SLC30A8: variants seen among roughly 807,000 people sequenced by gnomAD.
The protein encoded by SLC30A8 is proton-coupled zinc antiporter SLC30A8.
SLC30A8 carries 27 observed loss-of-function variants against 36.9 expected under a neutral mutation model. The observed-to-expected ratio is 0.73, with a 90% CI of 0.54 to 1.01. The LOEUF is 1.01. Among genes scored for constraint, SLC30A8 ranks in the 50% least tolerant of loss-of-function variants. The probability of loss-of-function intolerance (pLI) is 0.00; values close to 1 mark genes in which losing one functional copy is unlikely to be tolerated. For missense variants in SLC30A8, 439 were observed against 452.0 expected (o/e 0.97, Z 0.26); for synonymous variants, 164 against 172.4 (o/e 0.95, Z 0.38).
intron 1 of SLC30A8, among the ~76,000 whole-genome samples, chr8:116,968,612 A>C (rs919528562): frequency 2.0e-5 from 3 of 151,536 alleles, no homozygotes; most frequent in Admixed American, 1.3e-4. Context: ...GAAGTATAGA[A>C]GTGCCACCAA....
At chr8:117,022,938 C>A (rs906285029) in intron 1 of SLC30A8, among the ~76,000 whole-genome samples, 1 of 152,044 alleles carries the variant, frequency 6.6e-6, no homozygotes, top group African/African-American at 2.4e-5. Flanking sequence ...GATGAATAGG[C>A]AACCTATAGA....
At chr8:117,005,047 A>C (rs1816131236) in intron 1 of SLC30A8, among the ~76,000 whole-genome samples, 1 of 152,286 alleles carries the variant, frequency 6.6e-6, no homozygotes, top group East Asian at 1.9e-4. Context: ...TGGGCAATTC[A>C]GTGGTTTTAC....
At chr8:117,100,679 C>T (rs2130856170) in intron 2 of SLC30A8, among the ~76,000 whole-genome samples, 1 of 152,300 alleles carries the variant, frequency 6.6e-6, no homozygotes, top group African/African-American at 2.4e-5. Context: ...ATTTCTTCTG[C>T]TTCAGACTTC....
At chr8:117,127,230 A>G (rs1820943917) in intron 2 of SLC30A8, among the ~76,000 whole-genome samples, 1 of 152,026 alleles carries the variant, frequency 6.6e-6, no homozygotes, top group African/African-American at 2.4e-5. Flanking sequence ...CTCATGTGGA[A>G]GTTCTTAGGG....
chr8:117,069,201 T>C (rs866120376), intron 2 of SLC30A8, among the ~76,000 whole-genome samples: 12 of 152,122 alleles, frequency 7.9e-5, no homozygotes, highest in East Asian at 5.8e-4. Context: ...CCCATCTACA[T>C]TTCAGTTGCT....
intron 4 of SLC30A8, among the ~76,000 whole-genome samples, chr8:117,160,748 CCAAA>C (rs1213162405): frequency 2.0e-5 from 3 of 152,082 alleles, no homozygotes; most frequent in Admixed American, 6.6e-5. Context: ...GAATTTCTAC[CCAAA>C]CAATGAACAC....
intron 2 of SLC30A8, among the ~76,000 whole-genome samples, chr8:117,119,163 C>T (rs1820579323): frequency 6.6e-6 from 1 of 151,814 alleles, no homozygotes; most frequent in Non-Finnish European, 1.5e-5. Context: ...CTAAGAGAAA[C>T]TTGAATGTGA....
intron 2 of SLC30A8, among the ~76,000 whole-genome samples, chr8:117,073,110 T>C (rs1818380621): frequency 6.6e-6 from 1 of 152,178 alleles, no homozygotes; most frequent in East Asian, 1.9e-4. Context: ...TAGCCACCAT[T>C]GTGATTCTAG....
intron 2 of SLC30A8, among the ~76,000 whole-genome samples, chr8:117,097,412 A>AT (rs1290246133): frequency 2.5e-5 from 3 of 120,476 alleles, no homozygotes; most frequent in African/African-American, 1.1e-4. Flanking sequence ...AAAAAAAAAA[A>AT]AAAAAAATAT....
intron 1 of SLC30A8, among the ~76,000 whole-genome samples, chr8:116,967,968 T>C (rs1424660438): frequency 6.6e-6 from 1 of 152,122 alleles, no homozygotes; most frequent in Admixed American, 6.5e-5. Flanking sequence ...CACAAACAGA[T>C]GAGGGTTGGG....
chr8:117,176,552 G>A lies in SLC30A8; in HGVS notation c.*3871G>A, dbSNP rs1228791556. 1.3e-5 allele frequency: 2 copies of A among 152,354 alleles called. No homozygotes were observed. The highest frequency in any genetic ancestry group is 2.4e-5 in the African/African-American group (1 of 41,370). The allele number at this position is 152,354 out of a possible 1,614,324, so 9.4% of individuals were successfully genotyped here. On this transcript the variant is annotated 3_prime_UTR_variant, in exon 8 of 8. Coordinates refer to ENST00000456015, the MANE Select transcript of SLC30A8 (RefSeq NM_173851.3). ...TGATGAGGCCACTTAACAGTCCAGC[G>A]CAGGCGGATGTTAAAAAAAATAAAA...
At chr8:117,142,901 T>C (rs2130954486) in intron 1 of SLC30A8, among the ~76,000 whole-genome samples, 1 of 152,264 alleles carries the variant, frequency 6.6e-6, no homozygotes, top group East Asian at 1.9e-4. Context: ...CATTAACACT[T>C]CTGATGGTGC....
intron 2 of SLC30A8, among the ~76,000 whole-genome samples, chr8:117,049,662 T>C (rs941956604): frequency 3.9e-5 from 6 of 152,238 alleles, no homozygotes; most frequent in Non-Finnish European, 5.9e-5. Flanking sequence ...TGTGCCCTTC[T>C]CCTTCTGAAA....
At chr8:117,106,074 C>G (rs182879866) in intron 2 of SLC30A8, among the ~76,000 whole-genome samples, 12 of 152,210 alleles carry the variant, frequency 7.9e-5, no homozygotes, top group African/African-American at 2.2e-4. Flanking sequence ...CTCATTCTCT[C>G]ACTTATTCAT....
intron 1 of SLC30A8, among the ~76,000 whole-genome samples, chr8:117,019,191 C>A (rs1391819818): frequency 6.6e-6 from 1 of 152,154 alleles, no homozygotes; most frequent in Non-Finnish European, 1.5e-5. Flanking sequence ...CATCTTACTC[C>A]ATGTTATATC....
chr8:116,990,127 T>A (rs1815580991), intron 1 of SLC30A8, among the ~76,000 whole-genome samples: 1 of 152,222 alleles, frequency 6.6e-6, no homozygotes, highest in Non-Finnish European at 1.5e-5. Context: ...TGTTGGATGC[T>A]GAAATAACAT....
intron 1 of SLC30A8, among the ~76,000 whole-genome samples, chr8:117,144,087 C>G (rs1343484846): frequency 1.3e-5 from 2 of 152,128 alleles, no homozygotes; most frequent in African/African-American, 2.4e-5. Context: ...GCCTGCTTTG[C>G]TCATGCTGTC....
chr8:117,136,439 A>G lies in SLC30A8; in HGVS notation c.71+1041A>G, dbSNP rs565415548. Among the ~76,000 whole-genome samples the G allele has an allele frequency of 1.2e-4, 19 of 152,094 alleles. No homozygotes were observed. In the South Asian group the frequency reaches 2.7e-3, roughly 22 times the overall value. On this transcript the variant is annotated intron_variant, in intron 1 of 7. Coordinates refer to ENST00000456015, the MANE Select transcript of SLC30A8 (RefSeq NM_173851.3). The stretch of plus-strand genomic sequence containing the variant: ...TTTAAGAGAATACTTGCCCATTAAT[A>G]ATACGTGTAATGTTCTTGTTTGTTT...
chr8:116,991,665 G>T (rs990149600), intron 1 of SLC30A8, among the ~76,000 whole-genome samples: 3 of 152,058 alleles, frequency 2.0e-5, no homozygotes, highest in Non-Finnish European at 4.4e-5. Context: ...GGCATCAGTT[G>T]TAAATCTTAA....
Sources: gnomAD v4.1 joint callset for allele counts (sites outside exome capture counted in the v4.1 genomes callset) on GRCh38, gnomAD v4.1.1 for gene constraint, MANE v1.5 for transcripts, NCBI Gene and HGNC (gene_info 2026-07-23, HGNC 2026-07-21) for gene names.